Variants in ACOXL observed in about 807,000 individuals in gnomAD.
The protein encoded by ACOXL is acyl-coenzyme A oxidase-like protein.
ACOXL carries 70 observed loss-of-function variants against 71.9 expected under a neutral mutation model. That is an observed-to-expected ratio of 0.97 (90% CI 0.80 to 1.19). The LOEUF is 1.19. ACOXL is among the 50% of genes most tolerant of loss of function. The pLI is 0.00. For missense variants in ACOXL, 703 were observed against 736.3 expected (o/e 0.95, Z 0.52); for synonymous variants, 253 against 281.6 (o/e 0.90, Z 1.02).
chr2:110,955,662 C>T (rs1291740919), intron 12 of ACOXL, among the ~76,000 whole-genome samples: 1 of 152,124 alleles, frequency 6.6e-6, no homozygotes, highest in Non-Finnish European at 1.5e-5. Context: ...GCCCCTCCCC[C>T]TCACTCATCA....
intron 9 of ACOXL, among the ~76,000 whole-genome samples, chr2:110,836,883 G>A (rs1437609582): frequency 1.3e-5 from 2 of 152,256 alleles, no homozygotes; most frequent in Non-Finnish European, 2.9e-5. Flanking sequence ...GCAGCAGGCA[G>A]GGTGCAAGGC....
chr2:110,952,737 C>T (rs1029309929), intron 12 of ACOXL, among the ~76,000 whole-genome samples: 8 of 152,168 alleles, frequency 5.3e-5, no homozygotes, highest in Non-Finnish European at 1.2e-4. Flanking sequence ...AGTGAGCCAC[C>T]ATGCCTGGCC....
chr2:110,786,940 T>C (rs1352197074), intron 3 of ACOXL, among the ~76,000 whole-genome samples: 3 of 152,142 alleles, frequency 2.0e-5, no homozygotes. Context: ...GGTGGGATAA[T>C]GGTTTTAGGG....
intron 1 of ACOXL, among the ~76,000 whole-genome samples, chr2:110,747,429 CTGGGTGCATCCTCTGG>C (rs1268243884): frequency 2.0e-5 from 3 of 152,244 alleles, no homozygotes; most frequent in Non-Finnish European, 4.4e-5. Context: ...GGCCACAGGA[CTGGGTGCATCCTCTGG>C]TGTGTTTAAC....
intron 9 of ACOXL, among the ~76,000 whole-genome samples, chr2:110,813,463 A>C (rs1459508061): frequency 1.3e-5 from 2 of 151,972 alleles, no homozygotes; most frequent in Non-Finnish European, 2.9e-5. Context: ...CTCATCTACT[A>C]CCGGGAGAAC....
intron 12 of ACOXL, among the ~76,000 whole-genome samples, chr2:110,956,725 TC>T (rs1398954093): frequency 6.6e-6 from 1 of 152,268 alleles, no homozygotes; most frequent in Non-Finnish European, 1.5e-5. Flanking sequence ...TTTGTCTTTT[TC>T]AAATTAACAG....
chr2:110,926,527 C>T (rs2060276239), intron 11 of ACOXL, among the ~76,000 whole-genome samples: 1 of 152,150 alleles, frequency 6.6e-6, no homozygotes, highest in Admixed American at 6.5e-5. Context: ...AGGCTGCTGA[C>T]ATGCTGTGCG....
intron 14 of ACOXL, among the ~76,000 whole-genome samples, chr2:111,022,681 GCAGGACCCC>G (rs752768592): frequency 1.3e-5 from 2 of 152,110 alleles, no homozygotes; most frequent in Non-Finnish European, 2.9e-5. Context: ...AGAGGTGTGG[GCAGGACCCC>G]CAGGGGCCCC....
At chr2:110,761,700 G>A (rs535409680) in intron 1 of ACOXL, among the ~76,000 whole-genome samples, 2 of 152,176 alleles carry the variant, frequency 1.3e-5, no homozygotes, top group South Asian at 4.1e-4. Flanking sequence ...TTGTAAGGAT[G>A]GTTTATTCTT....
At chr2:111,042,278 T>C (rs1211460517) in intron 15 of ACOXL, among the ~76,000 whole-genome samples, 1 of 152,238 alleles carries the variant, frequency 6.6e-6, no homozygotes, top group Non-Finnish European at 1.5e-5. Context: ...GTACCTCCTA[T>C]TTGCCAGACT....
chr2:110,833,952 G>A (rs1690151695), intron 9 of ACOXL, among the ~76,000 whole-genome samples: 2 of 152,182 alleles, frequency 1.3e-5, no homozygotes, highest in South Asian at 4.1e-4. Context: ...CTGGGGGTGA[G>A]AGGGGTCCAC....
At chr2:110,865,372 C>A (rs1441071436) in intron 10 of ACOXL, among the ~76,000 whole-genome samples, 1 of 152,142 alleles carries the variant, frequency 6.6e-6, no homozygotes, top group Non-Finnish European at 1.5e-5. Context: ...CAAACCCTTT[C>A]GTTTTTACTT....
chr2:110,954,074 T>A (rs2061418577), intron 12 of ACOXL, among the ~76,000 whole-genome samples: 1 of 152,388 alleles, frequency 6.6e-6, no homozygotes, highest in African/African-American at 2.4e-5. Context: ...TTGTAAGTTT[T>A]AAATTATATT....
chr2:110,841,675 AT>A (rs1691197044), intron 10 of ACOXL, among the ~76,000 whole-genome samples: 1 of 152,216 alleles, frequency 6.6e-6, no homozygotes, highest in South Asian at 2.1e-4. Context: ...CAGAAGCACT[AT>A]CTGGGTAATG....
intron 10 of ACOXL, among the ~76,000 whole-genome samples, chr2:110,878,316 C>G (rs952741462): frequency 6.6e-5 from 10 of 152,124 alleles, no homozygotes; most frequent in Non-Finnish European, 1.5e-4. Flanking sequence ...AGATTAGACA[C>G]AACTGAAGAG....
intron 15 of ACOXL, among the ~76,000 whole-genome samples, chr2:111,041,972 G>A (rs2065807853): frequency 6.6e-6 from 1 of 152,226 alleles, no homozygotes; most frequent in African/African-American, 2.4e-5. Flanking sequence ...TGCCCCCCAT[G>A]TGGAGAGAGG....
intron 8 of ACOXL, among the ~76,000 whole-genome samples, chr2:110,804,401 A>C (rs1050605049): frequency 2.0e-5 from 3 of 152,152 alleles, no homozygotes; most frequent in African/African-American, 7.2e-5. Flanking sequence ...CCAACTAGGA[A>C]ATCAGTTTGG....
At chr2:111,000,156 C>T (rs972271734) in intron 14 of ACOXL, among the ~76,000 whole-genome samples, 2 of 152,136 alleles carry the variant, frequency 1.3e-5, no homozygotes, top group Admixed American at 6.5e-5. Context: ...ATGATCTTAA[C>T]CTGTGGGTGA....
intron 10 of ACOXL, among the ~76,000 whole-genome samples, chr2:110,851,797 ACT>A (rs1178874835): frequency 6.6e-6 from 1 of 151,770 alleles, no homozygotes; most frequent in South Asian, 2.1e-4. Flanking sequence ...CACCTGGAAA[ACT>A]CTCTGGTCCG....
Sources: gnomAD v4.1 joint callset for allele counts (sites outside exome capture counted in the v4.1 genomes callset) on GRCh38, gnomAD v4.1.1 for gene constraint, MANE v1.5 for transcripts, NCBI Gene and HGNC (gene_info 2026-07-23, HGNC 2026-07-21) for gene names.